PRDM5: variants seen among roughly 807,000 people sequenced by gnomAD.
PRDM5 encodes PR/SET domain 5.
Under a neutral mutation model 81.2 loss-of-function variants are expected in PRDM5, and 56 were observed. That is an observed-to-expected ratio of 0.69 (90% CI 0.56 to 0.86). PRDM5 has a LOEUF of 0.86. PRDM5 is among the 40% of genes least tolerant of loss of function. The pLI is 0.00. For missense variants in PRDM5, 697 were observed against 770.1 expected, an observed-to-expected ratio of 0.91 and a Z score of 1.12; for synonymous variants, 267 against 256.4, an observed-to-expected ratio of 1.04 and a Z score of -0.39.
intron 14 of PRDM5, among the ~76,000 whole-genome samples, chr4:120,753,787 G>C (rs1372256712): frequency 6.6e-6 from 1 of 152,142 alleles, no homozygotes; most frequent in South Asian, 2.1e-4. Flanking sequence ...AGATAATGCA[G>C]TGAAAAGTTG....
intron 3 of PRDM5, among the ~76,000 whole-genome samples, chr4:120,829,411 C>T (rs1033097): frequency 0.88 from 133,939 of 152,068 alleles, 59,078 homozygotes; most frequent in East Asian, 0.93. Flanking sequence ...ACACCTCAAC[C>T]TTCTCTGATA....
chr4:120,720,776 A>T (rs1217522668), intron 14 of PRDM5, among the ~76,000 whole-genome samples: 1 of 152,258 alleles, frequency 6.6e-6, no homozygotes, highest in Non-Finnish European at 1.5e-5. Flanking sequence ...TAAACAATGC[A>T]TCTAAAAATT....
downstream of PRDM5, chr4:120,691,842 A>G (rs1358651514): frequency 6.6e-6 from 1 of 152,046 alleles, no homozygotes; most frequent in Non-Finnish European, 1.5e-5. Context: ...AACAACTTTA[A>G]AGCAATTCAT....
Position 120,717,027 on chromosome 4 carries a change from T to C in PRDM5, c.1624-6614A>G, listed in dbSNP as rs1277447025. Among the ~76,000 whole-genome samples the C allele has an allele frequency of 6.7e-5, 10 of 149,276 alleles. No homozygotes were observed. The Admixed American group carries it at 6.7e-4, about 10-fold the overall frequency. On this transcript the variant is annotated intron_variant, in intron 14 of 15. Coordinates refer to ENST00000264808, the MANE Select transcript of PRDM5 (RefSeq NM_018699.4). ...ACAGGGGATAAGATTGGAGAGGCAC[T>C]GACTTCTGTTCCTGCTCCTTTCTTT... is the stretch of plus-strand genomic sequence containing the variant.
chr4:120,722,012 G>A (rs189386799), intron 14 of PRDM5, among the ~76,000 whole-genome samples: 107 of 152,280 alleles, frequency 7.0e-4, no homozygotes, highest in African/African-American at 2.3e-3. Flanking sequence ...GGACACGTTC[G>A]GCTTGCTTGT....
rs192270919 is a variant in PRDM5, at chr4:120,787,257, G to C, written c.1189-2166C>G. 1.1e-3 allele frequency among the ~76,000 whole-genome samples: 168 copies of C among 152,178 alleles called. 5 individuals are homozygous for C. The highest frequency in any genetic ancestry group is 8.5e-4 in the Admixed American group (13 of 15,264). ...GGGTGACCTAGTCAAGAAACATCAC[G>C]GAAGCCAGTGTGGTTGGAGCCATGT... On this transcript the variant is annotated intron_variant, in intron 10 of 15. Coordinates refer to ENST00000264808, the MANE Select transcript of PRDM5 (RefSeq NM_018699.4).
chr4:120,847,788 A>G (rs1758825562), intron 3 of PRDM5, among the ~76,000 whole-genome samples: 1 of 152,182 alleles, frequency 6.6e-6, no homozygotes, highest in Non-Finnish European at 1.5e-5. Context: ...CGTGACTGAC[A>G]GAACCTTCAT....
In PRDM5 at chr4:120,800,797, T is replaced by C. The variant is rs556467448; in HGVS notation, c.946-1052A>G. Among the ~76,000 whole-genome samples, 3 of 152,270 alleles carry C rather than the reference T, an allele frequency of 2.0e-5. No individual in the cohort carries two copies. In the East Asian group the frequency reaches 5.8e-4, roughly 29 times the overall value. On this transcript the variant is annotated intron_variant, in intron 8 of 15. Coordinates refer to ENST00000264808, the MANE Select transcript of PRDM5 (RefSeq NM_018699.4). ...AAATAATCATTTAACTATATGTGTA[T>C]CTCATCACATTATGTTGTATAACTT...
chr4:120,741,565 T>G (rs2149109274), intron 14 of PRDM5, among the ~76,000 whole-genome samples: 2 of 151,748 alleles, frequency 1.3e-5, no homozygotes, highest in Middle Eastern at 6.8e-3. Flanking sequence ...GGTCAGTGGG[T>G]GCGCGCACTG....
chr4:120,736,059 A>T (rs200093167), intron 14 of PRDM5, among the ~76,000 whole-genome samples: 1 of 141,424 alleles, frequency 7.1e-6, no homozygotes, highest in African/African-American at 2.7e-5. Context: ...CCATTTTTTT[A>T]GCACCCATTT....
At chr4:120,751,646 T>TA (rs1348090373) in intron 14 of PRDM5, among the ~76,000 whole-genome samples, 10 of 152,040 alleles carry the variant, frequency 6.6e-5, no homozygotes, top group African/African-American at 2.4e-4. Flanking sequence ...CTGAAGGAAA[T>TA]AAAATCCACC....
chr4:120,881,628 T>G (rs1193437223), intron 2 of PRDM5, among the ~76,000 whole-genome samples: 1 of 152,228 alleles, frequency 6.6e-6, no homozygotes, highest in Non-Finnish European at 1.5e-5. Flanking sequence ...TTTAAAACTC[T>G]ACACCACAAG....
chr4:120,704,973 T>C (rs1489521872), intron 15 of PRDM5, among the ~76,000 whole-genome samples: 5 of 152,300 alleles, frequency 3.3e-5, no homozygotes, highest in Non-Finnish European at 5.9e-5. Context: ...AGTTGAAAGC[T>C]GGAAACAAAT....
intron 3 of PRDM5, among the ~76,000 whole-genome samples, chr4:120,824,480 A>G (rs1279127512): frequency 1.3e-5 from 2 of 152,148 alleles, no homozygotes; most frequent in East Asian, 3.9e-4. Context: ...AACACTTAGA[A>G]ACTTGTTCAA....
chr4:120,785,586 T>C (rs896217036), intron 10 of PRDM5, among the ~76,000 whole-genome samples: 2 of 152,154 alleles, frequency 1.3e-5, no homozygotes, highest in Non-Finnish European at 2.9e-5. Context: ...TCCCCTAAAT[T>C]ACACTAGAGC....
chr4:120,907,440 A>G (rs1197344832), intron 2 of PRDM5, 34 bp downstream of exon 2: 1 of 1,487,050 alleles, frequency 6.7e-7, no homozygotes, highest in Non-Finnish European at 9.4e-7. Flanking sequence ...CAATACAAAT[A>G]TATTTTTAAC....
chr4:120,769,058 G>A (rs538234307), intron 13 of PRDM5, among the ~76,000 whole-genome samples: 2 of 152,268 alleles, frequency 1.3e-5, no homozygotes, highest in South Asian at 4.1e-4. Flanking sequence ...TTTGTATGTA[G>A]TATGTGAAAA....
chr4:120,759,438 C>T (rs1745282297), intron 13 of PRDM5, among the ~76,000 whole-genome samples: 1 of 152,176 alleles, frequency 6.6e-6, no homozygotes, highest in Non-Finnish European at 1.5e-5. Context: ...TATCTGCTGT[C>T]CCACACAATC....
chr4:120,834,549 A>G lies in PRDM5; in HGVS notation c.301-13204T>C, dbSNP rs79839796. ...GGGTATAAGCTACCCAGCATCATCT[A>G]TTTTTGTTACAGCAGCCTGAACAGA... On this transcript the variant is annotated intron_variant, in intron 3 of 15. Transcript: ENST00000264808. Among the ~76,000 whole-genome samples, 1,312 of 152,250 alleles carry G rather than the reference A, an allele frequency of 8.6e-3. 21 individuals are homozygous for G. The highest frequency in any genetic ancestry group is 0.03 in the African/African-American group (1,243 of 41,538).
Sources: gnomAD v4.1 joint callset for allele counts (sites outside exome capture counted in the v4.1 genomes callset) on GRCh38, gnomAD v4.1.1 for gene constraint, MANE v1.5 for transcripts, NCBI Gene and HGNC (gene_info 2026-07-23, HGNC 2026-07-21) for gene names.